TSPAN1: variants seen among roughly 807,000 people sequenced by gnomAD.
TSPAN1 encodes the protein tetraspanin 1, also known as tetraspanin-1.
TSPAN1 carries 23 observed loss-of-function variants against 26.9 expected under a neutral mutation model. The ratio of observed to expected loss-of-function variants is 0.85; its 90% CI spans 0.62 to 1.21. TSPAN1 has a LOEUF of 1.21. Among genes scored for constraint, TSPAN1 ranks in the 50% most tolerant of loss-of-function variants. TSPAN1 has a pLI of 0.00. For synonymous variants in TSPAN1, 115 were observed against 114.8 expected, an observed-to-expected ratio of 1.00 and a Z score of -0.01; for missense variants, 283 against 298.4, an observed-to-expected ratio of 0.95 and a Z score of 0.38.
chr1:46,190,081 T>C, downstream of TSPAN1: 5 of 1,413,440 alleles, frequency 3.5e-6, no homozygotes, highest in Admixed American at 2.4e-5. Context: ...TGCTCTGCTG[T>C]TGCCACCTTG....
At chr1:46,189,473 G>A (rs200143169), downstream of TSPAN1, 31 of 1,613,554 alleles carry the variant, frequency 1.9e-5, no homozygotes, top group Middle Eastern at 3.3e-4. Context: ...GGGGGAAGCC[G>A]GGACCCCCAC....
At chr1:46,176,319 G>C in intron 1 of TSPAN1, 1 of 1,535,788 alleles carries the variant, frequency 6.5e-7, no homozygotes, top group Non-Finnish European at 8.7e-7. Context: ...CTGCACTGCT[G>C]GCAGTTCGAC....
the TSPAN1 span, chr1:46,194,753 C>T: frequency 6.2e-7 from 1 of 1,613,754 alleles, no homozygotes. Context: ...GCCACTGGCT[C>T]CTATTTGTTC....
chr1:46,191,049 C>T, the TSPAN1 span: 1 of 439,596 alleles, frequency 2.3e-6, no homozygotes, highest in African/African-American at 2.0e-5. Context: ...CTAGCAGTCC[C>T]TGCCTCTTGT....
intron 1 of TSPAN1, among the ~76,000 whole-genome samples, chr1:46,180,268 G>A (rs190643674): frequency 3.2e-4 from 49 of 152,356 alleles, no homozygotes; most frequent in African/African-American, 9.9e-4. Flanking sequence ...AGGGTAAGAA[G>A]CACATTACAC....
the TSPAN1 span, chr1:46,193,929 T>G: frequency 1.9e-6 from 3 of 1,613,984 alleles, no homozygotes; most frequent in Non-Finnish European, 2.5e-6. Context: ...CTGGGAGCTG[T>G]GGGAGAAATA....
chr1:46,181,251 T>C lies in TSPAN1; in HGVS notation c.57+87T>C, dbSNP rs1657309218. ...GAGACTAAGCTGGGGAATGGGAGAC[T>C]GCTATGCCCAGGCTTCGTCCTGCAT... On this transcript the variant is annotated intron_variant, in intron 3 of 8. Coordinates refer to ENST00000372003, the MANE Select transcript of TSPAN1 (RefSeq NM_005727.4). 41 of 1,349,198 alleles carry C rather than the reference T, an allele frequency of 3.0e-5. No individual in the cohort carries two copies. The South Asian group carries it at 5.0e-4, about 16-fold the overall frequency. The allele number at this position is 1,349,198 out of a possible 1,614,324, so 83.6% of individuals were successfully genotyped here.
At chr1:46,190,503 GCTT>G, downstream of TSPAN1, 1 of 1,607,198 alleles carries the variant, frequency 6.2e-7, no homozygotes, top group South Asian at 1.1e-5. Flanking sequence ...CACTTCATAA[GCTT>G]CTTTCTTCAG....
downstream of TSPAN1, chr1:46,190,643 A>G (rs896807154): frequency 4.9e-5 from 76 of 1,539,224 alleles, no homozygotes; most frequent in Admixed American, 1.1e-3. Context: ...ACACAGGCCC[A>G]GCATTGGAAG....
In TSPAN1 at chr1:46,176,913, G is replaced by T. The variant is rs149409621; in HGVS notation, c.-142+1504G>T. Among the ~76,000 whole-genome samples the T allele has an allele frequency of 2.1e-3, 317 of 152,184 alleles. 4 individuals carry two copies. The highest frequency in any genetic ancestry group is 7.3e-3 in the African/African-American group (303 of 41,510). ...ATTCCCAGTAATGTTCTATAAAGTC[G>T]CCACAAACACTAAATACTGAACAAA... On this transcript the variant is annotated intron_variant, in intron 1 of 8. Transcript: ENST00000372003.
downstream of TSPAN1, chr1:46,189,911 C>T: frequency 1.2e-6 from 2 of 1,614,078 alleles, no homozygotes; most frequent in Non-Finnish European, 1.7e-6. Flanking sequence ...GAATAAAGGC[C>T]ACGTAGGTGT....
downstream of TSPAN1, chr1:46,189,611 G>A: frequency 1.9e-6 from 3 of 1,580,848 alleles, no homozygotes; most frequent in Non-Finnish European, 2.6e-6. Context: ...TCAGAGAGCT[G>A]TAGGGAGGGG....
intron 1 of TSPAN1, chr1:46,176,565 C>A (rs1657174889): frequency 1.4e-6 from 2 of 1,422,110 alleles, no homozygotes; most frequent in East Asian, 5.0e-5. Context: ...AAGGGCAGGG[C>A]CCTTTATTAC....
downstream of TSPAN1, chr1:46,189,027 G>C (rs564610096): frequency 5.1e-6 from 8 of 1,575,192 alleles, no homozygotes; most frequent in Non-Finnish European, 6.9e-6. Context: ...GCTAGGGATC[G>C]TAATGATTCC....
At chr1:46,178,183 C>G (rs1021203848) in intron 1 of TSPAN1, among the ~76,000 whole-genome samples, 2 of 151,950 alleles carry the variant, frequency 1.3e-5, no homozygotes, top group Non-Finnish European at 2.9e-5. Context: ...ATGGTGAAAC[C>G]CTGTCTCTAC....
the TSPAN1 span, chr1:46,192,282 C>T: frequency 1.9e-6 from 3 of 1,614,122 alleles, no homozygotes; most frequent in Non-Finnish European, 2.5e-6. Flanking sequence ...GGGACTCCAG[C>T]CCCCTCACCC....
the TSPAN1 span, chr1:46,193,811 C>T: frequency 1.9e-6 from 3 of 1,611,710 alleles, no homozygotes; most frequent in Non-Finnish European, 2.5e-6. Context: ...ATGACCTAAG[C>T]ACCCTCCTGT....
In TSPAN1 at chr1:46,184,244, A is replaced by G. The variant is rs745910895; in HGVS notation, c.111A>G (p.Ala37=). The G allele has an allele frequency of 6.2e-7, 1 of 1,614,130 alleles. No individual in the cohort carries two copies. The highest frequency in any genetic ancestry group is 2.2e-5 in the East Asian group (1 of 44,882). The change falls in exon 4 of 9, where the codon GCA becomes GCG. Residue 37 remains alanine, a synonymous_variant. Transcript: ENST00000372003. Reference sequence around the variant, plus strand: ...GCATCTGGGTGTCAATCGATGGGGCATCCTTTCTGAAGATCTTCGGGCCAC... The same window carrying G: ...GCATCTGGGTGTCAATCGATGGGGCGTCCTTTCTGAAGATCTTCGGGCCAC... ...AVGIWVSIDG[A]SFLKIFGPLS...
chr1:46,190,764 G>C, downstream of TSPAN1: 1 of 1,613,924 alleles, frequency 6.2e-7, no homozygotes, highest in Non-Finnish European at 8.5e-7. Flanking sequence ...TGTTGAACTT[G>C]TGCTTCTTGA....
Sources: gnomAD v4.1 joint callset for allele counts (sites outside exome capture counted in the v4.1 genomes callset) on GRCh38, gnomAD v4.1.1 for gene constraint, MANE v1.5 for transcripts, NCBI Gene and HGNC (gene_info 2026-07-23, HGNC 2026-07-21) for gene names.